The following URI1 variants were observed in gnomAD, a reference collection of about 807,000 sequenced individuals.
The protein encoded by URI1 is unconventional prefoldin RPB5 interactor 1.
In URI1, 39 loss-of-function variants were observed where a neutral mutation model predicts 60.2. The observed-to-expected ratio is 0.65, with a 90% CI of 0.50 to 0.85. The LOEUF (loss-of-function observed/expected upper bound fraction) is 0.85. Among genes scored for constraint, URI1 ranks in the 40% least tolerant of loss-of-function variants. URI1 has a pLI of 0.00. For missense variants in URI1, 691 were observed against 665.9 expected (o/e 1.04, Z -0.42); for synonymous variants, 251 against 236.8 (o/e 1.06, Z -0.55).
chr19:29,942,521 C>T lies in URI1; in HGVS notation c.-27C>T, dbSNP rs976372415. ...CGCAGGCGCTGGTTCAGGACTCACA[C>T]GCCGCGCTGAGGCCCGCGGGCCCGT... On this transcript the variant is annotated 5_prime_UTR_variant, in exon 1 of 11. It adds an upstream start codon to the 5' untranslated region. Coordinates refer to ENST00000392271, the MANE Select transcript of URI1 (RefSeq NM_003796.3). 1.8e-5 allele frequency: 25 copies of T among 1,354,012 alleles called. No individual in the cohort carries two copies. Among genetic ancestry groups the T allele is most frequent in the Non-Finnish European group, 2.2e-5 (23 of 1,051,832 alleles). 83.9% of individuals were successfully genotyped at this position (1,354,012 alleles called of 1,614,324 possible).
chr19:29,973,210 A>G (rs2055480330), intron 2 of URI1, among the ~76,000 whole-genome samples: 1 of 152,150 alleles, frequency 6.6e-6, no homozygotes. Flanking sequence ...ACCATATGCC[A>G]GTATTGTGCT....
rs1306621616 is a variant in URI1 at position 30,011,246 on chromosome 19, G to T, written c.1178+10G>T. 4 of 1,592,468 alleles carry T rather than the reference G, an allele frequency of 2.5e-6. No individual in the cohort carries two copies. The highest frequency in any genetic ancestry group is 3.7e-5 in the Admixed American group (2 of 54,418). On this transcript the variant is annotated intron_variant, in intron 9 of 10. Coordinates refer to ENST00000392271, the MANE Select transcript of URI1 (RefSeq NM_003796.3). The stretch of plus-strand genomic sequence containing the variant: ...CTGCAGACATTTACAGGTGGGAGGC[G>T]CTCACAGCTGCAGGGCAGTCTGCTG...
rs78010713 is a variant in URI1 at position 29,999,681 on chromosome 19, T to C, written c.368-5680T>C. ...TGGGTTTATCCTACTTGGATTTCGT[T>C]GAGCTTCTTGGATTTGTAGATTCGT... is the stretch of plus-strand genomic sequence containing the variant. On this transcript the variant is annotated intron_variant, in intron 4 of 10. Coordinates refer to ENST00000392271, the MANE Select transcript of URI1 (RefSeq NM_003796.3). Among the ~76,000 whole-genome samples the C allele has an allele frequency of 2.9e-3, 444 of 152,176 alleles. 3 individuals are homozygous for C. Among genetic ancestry groups the C allele is most frequent in the African/African-American group, 0.01 (434 of 41,566 alleles).
intron 1 of URI1, among the ~76,000 whole-genome samples, chr19:29,963,572 T>A (rs1462060561): frequency 6.6e-6 from 1 of 152,218 alleles, no homozygotes; most frequent in Non-Finnish European, 1.5e-5. Context: ...CATGTGTGTT[T>A]GGTTCTGTTT....
At chr19:29,986,530 G>A in intron 4 of URI1, 113 bp downstream of exon 4, 2 of 1,324,182 alleles carry the variant, frequency 1.5e-6, no homozygotes, top group African/African-American at 3.1e-5. Context: ...ATGAATCCAG[G>A]CTGTTTGTGA....
chr19:30,008,907 C>G (rs892403742), intron 7 of URI1, 98 bp from the exon 8 acceptor site: 35 of 938,082 alleles, frequency 3.7e-5, no homozygotes, highest in Non-Finnish European at 4.8e-5. Flanking sequence ...ATACTTTATT[C>G]AAGATCTTAG....
intron 1 of URI1, among the ~76,000 whole-genome samples, chr19:29,930,534 A>G (rs1382138061): frequency 3.3e-5 from 5 of 150,736 alleles, no homozygotes; most frequent in African/African-American, 1.2e-4. Flanking sequence ...TTTTCCATAT[A>G]TATTCTTCTT....
At chr19:29,993,392 G>A (rs1417501877) in intron 4 of URI1, among the ~76,000 whole-genome samples, 3 of 152,184 alleles carry the variant, frequency 2.0e-5, no homozygotes, top group African/African-American at 4.8e-5. Flanking sequence ...ACATAGGCAC[G>A]TTACTTAGAA....
intron 4 of URI1, among the ~76,000 whole-genome samples, chr19:29,987,438 A>C (rs2055685965): frequency 6.6e-6 from 1 of 152,212 alleles, no homozygotes; most frequent in Admixed American, 6.5e-5. Flanking sequence ...CTTTTGTGAC[A>C]CTAATCAGAA....
intron 1 of URI1, among the ~76,000 whole-genome samples, chr19:29,950,440 A>C (rs1428050810): frequency 1.2e-4 from 19 of 152,166 alleles, no homozygotes; most frequent in Admixed American, 1.1e-3. Context: ...CCCCCCTTAA[A>C]CTACAACTGT....
chr19:29,928,692 A>G (rs2054891180), intron 1 of URI1, among the ~76,000 whole-genome samples: 1 of 152,172 alleles, frequency 6.6e-6, no homozygotes. Flanking sequence ...ATTAAATTTG[A>G]ATTTCAGATA....
chr19:29,924,651 C>T (rs1308031199), intron 1 of URI1, among the ~76,000 whole-genome samples: 1 of 152,114 alleles, frequency 6.6e-6, no homozygotes, highest in Non-Finnish European at 1.5e-5. Flanking sequence ...GTCCTGTGAG[C>T]AAGTGATACC....
At chr19:29,971,296 G>A (rs1158304379) in intron 2 of URI1, 69 bp downstream of exon 2, 2 of 1,517,348 alleles carry the variant, frequency 1.3e-6, no homozygotes, top group African/African-American at 2.8e-5. Context: ...TTCAAATAAT[G>A]TGTTTACTGT....
At chr19:29,971,377 C>G (rs769804640) in intron 2 of URI1, 150 bp downstream of exon 2, 1 of 708,486 alleles carries the variant, frequency 1.4e-6, no homozygotes, top group Non-Finnish European at 2.4e-6. Context: ...GCCTTTAATA[C>G]TAATTTATAT....
chr19:29,949,068 C>A lies in URI1; in HGVS notation c.117+6404C>A, dbSNP rs563497577. Among the ~76,000 whole-genome samples, 17 of 149,800 alleles carry A rather than the reference C, an allele frequency of 1.1e-4. No homozygotes were observed. In the South Asian group the frequency reaches 3.3e-3, roughly 29 times the overall value. ...CGGGCGGGGGCTGCCCCCCGCCTCC[C>A]GGACGGGGCTTCTGCCGGGCGGAGA... On this transcript the variant is annotated intron_variant, in intron 1 of 10. Coordinates refer to ENST00000392271, the MANE Select transcript of URI1 (RefSeq NM_003796.3).
chr19:29,949,976 G>A (rs2055159590), intron 1 of URI1, among the ~76,000 whole-genome samples: 2 of 152,154 alleles, frequency 1.3e-5, no homozygotes, highest in South Asian at 4.1e-4. Context: ...TTTAAGAAAG[G>A]CACAGTTGTA....
At chr19:30,004,663 A>T (rs1056263508) in intron 4 of URI1, 1 of 152,062 alleles carries the variant, frequency 6.6e-6, no homozygotes, top group African/African-American at 2.4e-5. Context: ...TAGAAACCCC[A>T]TGTATTTTTT....
intron 2 of URI1, among the ~76,000 whole-genome samples, chr19:29,981,470 C>T (rs2055596596): frequency 6.6e-6 from 1 of 151,722 alleles, no homozygotes; most frequent in African/African-American, 2.4e-5. Flanking sequence ...TGGTCTTCAT[C>T]GCTGCTGCCT....
intron 1 of URI1, among the ~76,000 whole-genome samples, chr19:29,935,656 T>A (rs1438072647): frequency 6.6e-6 from 1 of 151,404 alleles, no homozygotes; most frequent in East Asian, 2.0e-4. Context: ...TCTCCTTTAT[T>A]CCTGAAGGAT....
Sources: gnomAD v4.1 joint callset for allele counts (sites outside exome capture counted in the v4.1 genomes callset) on GRCh38, gnomAD v4.1.1 for gene constraint, MANE v1.5 for transcripts, NCBI Gene and HGNC (gene_info 2026-07-23, HGNC 2026-07-21) for gene names.